The following RHOH variants were observed in gnomAD, a reference collection of about 807,000 sequenced individuals.
RHOH encodes rho-related GTP-binding protein RhoH.
RHOH carries 6 observed loss-of-function variants against 13.8 expected under a neutral mutation model. That is an observed-to-expected ratio of 0.44 (90% CI 0.24 to 0.86). The LOEUF is 0.86. Ranked by LOEUF, RHOH falls within the 40% of genes least tolerant of loss-of-function variation. The pLI is 0.24. For synonymous variants in RHOH, 117 were observed against 103.0 expected (o/e 1.14, Z -0.82); for missense variants, 147 against 244.5 (o/e 0.60, Z 2.66).
chr4:40,221,840 C>T (rs186166610), intron 1 of RHOH, among the ~76,000 whole-genome samples: 22 of 152,084 alleles, frequency 1.4e-4, no homozygotes, highest in Admixed American at 5.2e-4. Context: ...TGAGAGAGGC[C>T]GAAAACTAGG....
intron 1 of RHOH, among the ~76,000 whole-genome samples, chr4:40,225,355 G>T (rs1202385792): frequency 6.6e-6 from 1 of 151,868 alleles, no homozygotes; most frequent in Non-Finnish European, 1.5e-5. Context: ...CAAAGTTCTG[G>T]GATTATAGAT....
upstream of RHOH, among the ~76,000 whole-genome samples, chr4:40,193,280 G>GT (rs934966136): frequency 2.0e-5 from 3 of 152,088 alleles, no homozygotes; most frequent in African/African-American, 7.2e-5. Context: ...TGGACCCATG[G>GT]TTTCCCTCCT....
chr4:40,238,782 GA>G (rs1728906712), intron 1 of RHOH, among the ~76,000 whole-genome samples: 1 of 152,192 alleles, frequency 6.6e-6, no homozygotes, highest in South Asian at 2.1e-4. Context: ...TCTTCCGTAC[GA>G]AGAGACATAC....
At chr4:40,196,791 A>G (rs1723186094), upstream of RHOH, 1 of 146,916 alleles carries the variant, frequency 6.8e-6, no homozygotes, top group Admixed American at 7.0e-5. Flanking sequence ...TTGCTGGAGG[A>G]AAATGGGGCT....
rs1350517182 is a variant in RHOH at position 40,244,175 on chromosome 4, C to T, written c.*213C>T. 2 of 449,198 alleles carry T rather than the reference C, an allele frequency of 4.5e-6. No homozygotes were observed. The highest frequency in any genetic ancestry group is 7.9e-5 in the Admixed American group (2 of 25,446). 27.8% of individuals were successfully genotyped at this position (449,198 alleles called of 1,614,324 possible). A position where few individuals can be genotyped will look rare whatever the true frequency, so the allele number is the denominator to read the frequency against. On this transcript the variant is annotated 3_prime_UTR_variant, in exon 3 of 3. Transcript: ENST00000381799. ...TCCTTGCCCAGGCCAGTTAGAAAAT[C>T]CCTTGGGGAACTGTGATGAATATTC...
chr4:40,226,886 T>A (rs2109486134), intron 1 of RHOH, among the ~76,000 whole-genome samples: 1 of 152,200 alleles, frequency 6.6e-6, no homozygotes, highest in East Asian at 1.9e-4. Flanking sequence ...TGGCTGGGTG[T>A]GGTGGCTCAC....
At chr4:40,192,984 G>C (rs1722766986), upstream of RHOH, 1 of 152,394 alleles carries the variant, frequency 6.6e-6, no homozygotes, top group South Asian at 2.1e-4. Context: ...TACCATAAAG[G>C]GCAGCTGTGA....
intron 1 of RHOH, among the ~76,000 whole-genome samples, chr4:40,210,349 T>G (rs1049126941): frequency 6.6e-6 from 1 of 152,192 alleles, no homozygotes; most frequent in Non-Finnish European, 1.5e-5. Context: ...AATGGCTCAA[T>G]AAGACTGCCT....
At chr4:40,240,731 C>T (rs538344473) in intron 1 of RHOH, among the ~76,000 whole-genome samples, 45 of 151,960 alleles carry the variant, frequency 3.0e-4, no homozygotes, top group Non-Finnish European at 5.4e-4. Flanking sequence ...GAGCCGAGAT[C>T]GAGCCACTGC....
chr4:40,225,984 A>G (rs942627264), intron 1 of RHOH, among the ~76,000 whole-genome samples: 1 of 152,166 alleles, frequency 6.6e-6, no homozygotes, highest in East Asian at 1.9e-4. Flanking sequence ...TATTGACCAC[A>G]TGCAGTCTTG....
At chr4:40,239,346 G>A (rs2109564571) in intron 1 of RHOH, among the ~76,000 whole-genome samples, 1 of 152,276 alleles carries the variant, frequency 6.6e-6, no homozygotes, top group East Asian at 1.9e-4. Context: ...AGGTAGCAAA[G>A]CTTAGACAGG....
At chr4:40,236,626 T>TA (rs1389493960) in intron 1 of RHOH, among the ~76,000 whole-genome samples, 1 of 116,022 alleles carries the variant, frequency 8.6e-6, no homozygotes, top group African/African-American at 2.5e-5. Context: ...CCATCTCAAC[T>TA]AAAAAAATAC....
At chr4:40,236,713 A>T (rs1579330463) in intron 1 of RHOH, among the ~76,000 whole-genome samples, 1 of 151,674 alleles carries the variant, frequency 6.6e-6, no homozygotes, top group Non-Finnish European at 1.5e-5. Context: ...AATTGCTTGA[A>T]CCCGGGAGGT....
chr4:40,243,614 A>G lies in RHOH; in HGVS notation c.228A>G (p.Ala76=). The change falls in exon 3 of 3, where the codon GCA becomes GCG. Residue 76 remains alanine (A), a synonymous_variant. Coordinates refer to ENST00000381799, the MANE Select transcript of RHOH (RefSeq NM_004310.5). This position sits in a 1 kb window ranked among gnomAD's most constrained non-coding sequence, Gnocchi z 6.2. ...TCCGGCCCCTGTCCTACCAGCAGGCAGACGTGGTGCTGATGTGCTACTCTG... is the reference window on the plus strand; with the variant it reads ...TCCGGCCCCTGTCCTACCAGCAGGCGGACGTGGTGCTGATGTGCTACTCTG... The part of the protein sequence containing the change: ...RSIRPLSYQQ[A]DVVLMCYSVA... 6.2e-7 allele frequency: 1 copy of G among 1,614,216 alleles called. No individual in the cohort carries two copies. Among genetic ancestry groups the G allele is most frequent in the Non-Finnish European group, 8.5e-7 (1 of 1,180,040 alleles).
At chr4:40,235,590 CAAAAAAA>C (rs34336418) in intron 1 of RHOH, among the ~76,000 whole-genome samples, 31 of 74,812 alleles carry the variant, frequency 4.1e-4, no homozygotes, top group Admixed American at 2.2e-3. Context: ...AACTTCATCT[CAAAAAAA>C]AAAAAAAAAA....
intron 1 of RHOH, among the ~76,000 whole-genome samples, chr4:40,217,530 A>G (rs972299529): frequency 1.3e-5 from 2 of 152,218 alleles, no homozygotes; most frequent in South Asian, 4.1e-4. Flanking sequence ...TTACTAAAAA[A>G]TCAGGATTAC....
At chr4:40,195,511 G>T (rs1723056791), upstream of RHOH, among the ~76,000 whole-genome samples, 1 of 151,564 alleles carries the variant, frequency 6.6e-6, no homozygotes, top group South Asian at 2.1e-4. Context: ...CCCCAGGCTG[G>T]AGTGTGGTGG....
At chr4:40,240,904 C>T (rs1311740774) in intron 1 of RHOH, among the ~76,000 whole-genome samples, 1 of 151,910 alleles carries the variant, frequency 6.6e-6, no homozygotes, top group Non-Finnish European at 1.5e-5. Context: ...TGCCTGTAAT[C>T]CCAGCACTTT....
At chr4:40,194,439 G>A (rs1722919541), upstream of RHOH, among the ~76,000 whole-genome samples, 1 of 152,128 alleles carries the variant, frequency 6.6e-6, no homozygotes, top group African/African-American at 2.4e-5. Context: ...ATGTTGGCCA[G>A]GCTGGTCTCG....
Sources: allele counts gnomAD v4.1 joint callset (sites outside exome capture counted in the v4.1 genomes callset), GRCh38; gene constraint gnomAD v4.1.1; non-coding constraint Gnocchi (gnomAD v3.1); transcripts MANE v1.5; gene names NCBI Gene and HGNC (gene_info 2026-07-23, HGNC 2026-07-21).